FAM221A: variants seen among roughly 807,000 people sequenced by gnomAD.
FAM221A encodes protein FAM221A.
A neutral mutation model predicts 37.6 loss-of-function variants in FAM221A; 43 were observed. The ratio of observed to expected loss-of-function variants is 1.15; its 90% CI spans 0.90 to 1.48. The LOEUF (loss-of-function observed/expected upper bound fraction) is 1.48, where lower values mean the gene tolerates loss of function less well. Ranked by LOEUF, FAM221A falls within the 40% of genes most tolerant of loss-of-function variation. The probability of loss-of-function intolerance (pLI) is 0.00; values close to 1 mark genes in which losing one functional copy is unlikely to be tolerated. For missense variants in FAM221A, 361 were observed against 361.5 expected (o/e 1.00, Z 0.01); for synonymous variants, 135 against 132.9 (o/e 1.02, Z -0.11).
intron 4 of FAM221A, 37 bp from the exon 5 acceptor site, chr7:23,698,155 A>C: frequency 9.5e-7 from 1 of 1,053,018 alleles, no homozygotes; most frequent in Non-Finnish European, 1.5e-6. Context: ...ATCCCTGTAA[A>C]TATTTAATTT....
chr7:23,691,334 T>C, intron 3 of FAM221A, 56 bp from the exon 4 acceptor site: 1 of 1,558,922 alleles, frequency 6.4e-7, no homozygotes, highest in Non-Finnish European at 8.8e-7. Context: ...TAAGTGTCTT[T>C]AGGGTAGACA....
chr7:23,680,350 G>C, intron 1 of FAM221A, 67 bp downstream of exon 1: 2 of 1,331,504 alleles, frequency 1.5e-6, no homozygotes, highest in Non-Finnish European at 2.0e-6. Context: ...GGCTGGGGGC[G>C]CGAGCAGGGG....
intron 3 of FAM221A, among the ~76,000 whole-genome samples, chr7:23,690,195 A>ATT (rs1218214025): frequency 3.1e-4 from 12 of 38,700 alleles, no homozygotes; most frequent in South Asian, 1.4e-3. Flanking sequence ...ATATATATAT[A>ATT]TATATTTTTT....
intron 4 of FAM221A, 46 bp downstream of exon 4, chr7:23,691,642 G>A (rs996793064): frequency 2.0e-6 from 3 of 1,507,878 alleles, no homozygotes; most frequent in South Asian, 2.3e-5. Context: ...TTGTTTTTAT[G>A]TGTGCTAACA....
intron 5 of FAM221A, 130 bp from the exon 6 acceptor site, chr7:23,700,656 A>C: frequency 9.0e-4 from 416 of 462,682 alleles, no homozygotes; most frequent in Middle Eastern, 2.6e-3. Context: ...AGGACCAATT[A>C]TTCATTTAGG....
At chr7:23,690,063 G>T (rs1295711343) in intron 3 of FAM221A, among the ~76,000 whole-genome samples, 10 of 150,808 alleles carry the variant, frequency 6.6e-5, no homozygotes, top group African/African-American at 2.4e-4. Context: ...AAATCTTATG[G>T]TGAAGTGTGT....
intron 4 of FAM221A, chr7:23,694,879 T>C (rs963357828): frequency 3.9e-5 from 6 of 152,262 alleles, no homozygotes; most frequent in Admixed American, 1.3e-4. Context: ...TCTTATGTTT[T>C]AATTCTTTCA....
rs990746083 is a variant in FAM221A, at chr7:23,680,263, C to A, written c.45C>A (p.Asp15Glu). The stretch of plus-strand genomic sequence containing the variant: ...CTCTCGGCGGCGCGGCGGCGGTGGA[C>A]GAGTACCTGGAGTACCGGAGGTGAG... Reference protein sequence around the residue: ...TLPLGGAAAVDEYLEYRRIVG... With the variant: ...TLPLGGAAAVEEYLEYRRIVG... Residue 15 changes from aspartate to glutamate, a missense_variant, in exon 1 of 7, where the codon GAC (aspartate) becomes GAA (glutamate). By Grantham distance (45) the Asp-to-Glu change is conservative. Coordinates refer to ENST00000344962, the MANE Select transcript of FAM221A (RefSeq NM_199136.5). 6.5e-7 allele frequency: 1 copy of A among 1,548,400 alleles called. No homozygotes were observed. Among genetic ancestry groups the A allele is most frequent in the South Asian group, 1.2e-5 (1 of 83,976 alleles).
intron 3 of FAM221A, among the ~76,000 whole-genome samples, chr7:23,690,061 T>G (rs1452098601): frequency 1.3e-5 from 2 of 151,226 alleles, no homozygotes; most frequent in East Asian, 3.9e-4. Flanking sequence ...TGAAATCTTA[T>G]GGTGAAGTGT....
rs765543887 is a variant in FAM221A at position 23,702,160 on chromosome 7, C to T, written c.893C>T (p.Ser298Leu). 3.8e-6 allele frequency: 6 copies of T among 1,589,740 alleles called. No homozygotes were observed. The South Asian group carries it at 6.9e-5, about 18-fold the overall frequency. Residue 298 changes from serine to leucine, a missense_variant, in exon 7 of 7, where the codon TCA (serine) becomes TTA (leucine). Ser to Leu is a moderately radical substitution (Grantham distance 145, BLOSUM62 -2). Coordinates refer to ENST00000344962, the MANE Select transcript of FAM221A (RefSeq NM_199136.5). The part of the protein sequence containing the change: ...KAPLPSATKP[S>L] ...CCATTGCCATCAGCTACAAAACCTTCATGAAGACTATTGGAGAAATTAAAA... is the reference window on the plus strand; with the variant it reads ...CCATTGCCATCAGCTACAAAACCTTTATGAAGACTATTGGAGAAATTAAAA...
At chr7:23,698,412 A>C in intron 5 of FAM221A, 113 bp downstream of exon 5, 1 of 670,574 alleles carries the variant, frequency 1.5e-6, no homozygotes, top group Non-Finnish European at 2.6e-6. Flanking sequence ...TTTAACTTCA[A>C]GTTAAGCTAT....
At chr7:23,687,624 T>G (rs1454429952) in intron 2 of FAM221A, 9 of 151,932 alleles carry the variant, frequency 5.9e-5, no homozygotes, top group Admixed American at 5.9e-4. Context: ...TAAATAGAAT[T>G]TGTTCTTTTG....
intron 3 of FAM221A, among the ~76,000 whole-genome samples, chr7:23,690,471 C>G (rs1417912096): frequency 6.6e-6 from 1 of 151,986 alleles, no homozygotes; most frequent in East Asian, 1.9e-4. Context: ...TCCCAAAGTG[C>G]TGGGATTCCA....
chr7:23,698,496 C>G lies in FAM221A; in HGVS notation c.745+197C>G, dbSNP rs575114728. ...CTTCATTTTGTATTGGGAAAAATAGCTAACTCCGAGAATGTCGAGGATTCT... is the reference window on the plus strand; with the variant it reads ...CTTCATTTTGTATTGGGAAAAATAGGTAACTCCGAGAATGTCGAGGATTCT... On this transcript the variant is annotated intron_variant, in intron 5 of 6. Coordinates refer to ENST00000344962, the MANE Select transcript of FAM221A (RefSeq NM_199136.5). 4.6e-5 allele frequency among the ~76,000 whole-genome samples: 7 copies of G among 152,286 alleles called. No individual in the cohort carries two copies. The East Asian group carries it at 1.4e-3, about 29-fold the overall frequency.
chr7:23,691,305 CA>C, intron 3 of FAM221A, 84 bp from the exon 4 acceptor site: 6 of 1,282,916 alleles, frequency 4.7e-6, no homozygotes, highest in Non-Finnish European at 5.6e-6. Flanking sequence ...GATCTAGGTT[CA>C]GCTGGCTTTT....
intron 1 of FAM221A, 36 bp from the exon 2 acceptor site, chr7:23,684,463 C>T (rs753769000): frequency 1.4e-5 from 21 of 1,505,464 alleles, no homozygotes; most frequent in Non-Finnish European, 4.5e-6. Context: ...AAAATAAATA[C>T]TCAAAGCTTA....
intron 1 of FAM221A, among the ~76,000 whole-genome samples, chr7:23,681,800 T>C (rs1030141747): frequency 1.3e-5 from 2 of 152,046 alleles, no homozygotes; most frequent in Non-Finnish European, 2.9e-5. Context: ...TTTAGAAAAG[T>C]GGGGAAAACA....
intron 4 of FAM221A, among the ~76,000 whole-genome samples, chr7:23,691,960 C>G (rs1009250818): frequency 1.3e-5 from 2 of 152,076 alleles, no homozygotes; most frequent in African/African-American, 4.8e-5. Context: ...TATAGTTTAC[C>G]TGTTACTCTA....
At position 23,680,215 on chromosome 7, in the gene FAM221A, G is replaced by C. The variant is rs772958917; in HGVS notation, c.-4G>C. ...CAGGGAAGCCTTTGGCTTCCCCACC[G>C]GCAATGGAGCGGTTGACGTTGCCTC... is the stretch of plus-strand genomic sequence containing the variant. On this transcript the variant is annotated 5_prime_UTR_variant, in exon 1 of 7. Coordinates refer to ENST00000344962, the MANE Select transcript of FAM221A (RefSeq NM_199136.5). The C allele has an allele frequency of 2.5e-5, 39 of 1,549,404 alleles. No individual in the cohort carries two copies. Among genetic ancestry groups the C allele is most frequent in the Non-Finnish European group, 3.0e-5 (34 of 1,145,876 alleles).
Sources: allele counts gnomAD v4.1 joint callset (sites outside exome capture counted in the v4.1 genomes callset), GRCh38; gene constraint gnomAD v4.1.1; transcripts MANE v1.5; gene names NCBI Gene and HGNC (gene_info 2026-07-23, HGNC 2026-07-21).